KLF17: variants seen among roughly 807,000 people sequenced by gnomAD.
The protein encoded by KLF17 is KLF transcription factor 17, also known as Krueppel-like factor 17.
Under a neutral mutation model 34.2 loss-of-function variants are expected in KLF17, and 31 were observed. The observed-to-expected ratio is 0.91, with a 90% CI of 0.68 to 1.22. KLF17 has a LOEUF of 1.22. Among genes scored for constraint, KLF17 ranks in the 50% most tolerant of loss-of-function variants. The pLI is 0.00. For synonymous variants in KLF17, 179 were observed against 186.7 expected, an observed-to-expected ratio of 0.96 and a Z score of 0.34; for missense variants, 478 against 505.2, an observed-to-expected ratio of 0.95 and a Z score of 0.52.
At chr1:44,060,239 C>T in the KLF17 span, among the ~76,000 whole-genome samples, 1 of 152,054 alleles carries the variant, frequency 6.6e-6, no homozygotes, top group Non-Finnish European at 1.5e-5. Flanking sequence ...GGAGGCCAAG[C>T]CAGGGGGATC....
chr1:44,079,500 A>G, the KLF17 span, among the ~76,000 whole-genome samples: 3 of 151,120 alleles, frequency 2.0e-5, no homozygotes, highest in Non-Finnish European at 3.0e-5. Flanking sequence ...GTGAGGTCTC[A>G]CTCTGTTGCC....
chr1:44,057,236 G>C, the KLF17 span, among the ~76,000 whole-genome samples: 1 of 152,014 alleles, frequency 6.6e-6, no homozygotes, highest in African/African-American at 2.4e-5. Context: ...CTTTAATTAG[G>C]GCCCTCCAAT....
chr1:44,047,701 CT>C, the KLF17 span, among the ~76,000 whole-genome samples: 2 of 152,296 alleles, frequency 1.3e-5, no homozygotes, highest in East Asian at 3.9e-4. Flanking sequence ...CGGGGTGCTA[CT>C]TCCTTCCTTG....
chr1:44,112,124 T>G, the KLF17 span, among the ~76,000 whole-genome samples: 1 of 152,232 alleles, frequency 6.6e-6, no homozygotes, highest in East Asian at 1.9e-4. Flanking sequence ...CATACCAACA[T>G]GTATTTATTC....
chr1:44,079,133 T>G, the KLF17 span, among the ~76,000 whole-genome samples: 1 of 152,310 alleles, frequency 6.6e-6, no homozygotes, highest in East Asian at 1.9e-4. Flanking sequence ...TATTTTCTTC[T>G]TTAATTCATG....
At chr1:44,108,075 A>T in the KLF17 span, among the ~76,000 whole-genome samples, 3 of 152,318 alleles carry the variant, frequency 2.0e-5, no homozygotes, top group African/African-American at 7.2e-5. Flanking sequence ...GGAGGAAAAT[A>T]AAACAGTTTC....
At chr1:44,098,487 T>A in the KLF17 span, among the ~76,000 whole-genome samples, 1,157 of 140,102 alleles carry the variant, frequency 8.3e-3, 15 homozygotes, top group African/African-American at 0.028. Flanking sequence ...TTATTTTTTT[T>A]AAAAAAGATT....
chr1:44,093,086 AC>A, the KLF17 span, among the ~76,000 whole-genome samples: 7 of 152,236 alleles, frequency 4.6e-5, no homozygotes, highest in Admixed American at 6.5e-5. Flanking sequence ...TTGAAGAAAG[AC>A]AGTTTTGCTT....
rs765655179 is a variant in KLF17 at position 44,129,705 on chromosome 1, G to A, written c.434G>A (p.Arg145Lys). ...GAGCCCAATATTCCAAGGGTAGCCA[G>A]GCCCTTCGGTGGGAATCTAAGGATG... ...VGEPNIPRVA[R>K]PFGGNLRMPP... The change falls in exon 2 of 4, where the codon AGG (arginine) becomes AAG (lysine). Residue 145 changes from arginine to lysine, a missense_variant. Physicochemically the swap from Arg to Lys is conservative, Grantham distance 26. Transcript: ENST00000372299. The A allele has an allele frequency of 1.2e-6, 2 of 1,614,066 alleles. No homozygotes were observed. Among genetic ancestry groups the A allele is most frequent in the African/African-American group, 2.7e-5 (2 of 74,934 alleles).
At chr1:44,069,960 C>T in the KLF17 span, 1 of 152,220 alleles carries the variant, frequency 6.6e-6, no homozygotes, top group Non-Finnish European at 1.5e-5. The surrounding 1 kb of genome is among the most constrained non-coding windows in gnomAD (Gnocchi z 4.7). Context: ...CTCCAGTAGC[C>T]CATGGGTAGG....
chr1:44,050,906 G>A, the KLF17 span: 1 of 147,398 alleles, frequency 6.8e-6, no homozygotes, highest in Non-Finnish European at 1.5e-5. Flanking sequence ...GACAGAGCGA[G>A]ACTCCGTCTT....
the KLF17 span, among the ~76,000 whole-genome samples, chr1:44,053,134 C>G: frequency 6.6e-6 from 1 of 152,170 alleles, no homozygotes; most frequent in South Asian, 2.1e-4. Context: ...CTCCTAACCT[C>G]AAGTGATCTG....
At chr1:44,099,905 GA>G in the KLF17 span, among the ~76,000 whole-genome samples, 3 of 52,200 alleles carry the variant, frequency 5.7e-5, no homozygotes, top group Non-Finnish European at 1.2e-4. Context: ...AAGAAAGAAA[GA>G]AAGAAAGAAA....
chr1:44,125,629 G>A (rs2087998664), intron 1 of KLF17, among the ~76,000 whole-genome samples: 1 of 152,018 alleles, frequency 6.6e-6, no homozygotes, highest in African/African-American at 2.4e-5. Flanking sequence ...CACCACACCT[G>A]GCTAATTTTT....
the KLF17 span, among the ~76,000 whole-genome samples, chr1:44,071,974 C>T: frequency 1.3e-4 from 19 of 151,974 alleles, no homozygotes; most frequent in Non-Finnish European, 1.5e-4. Flanking sequence ...CCTCCTCTTC[C>T]TCCTACTGTT....
chr1:44,078,629 G>A, the KLF17 span, among the ~76,000 whole-genome samples: 2 of 152,020 alleles, frequency 1.3e-5, no homozygotes, highest in African/African-American at 4.8e-5. Context: ...GTAGAGACAG[G>A]GTTTCACCGT....
chr1:44,065,591 G>T, the KLF17 span, among the ~76,000 whole-genome samples: 2 of 151,772 alleles, frequency 1.3e-5, no homozygotes, highest in Non-Finnish European at 2.9e-5. Flanking sequence ...TGTATTTTTA[G>T]TAGAGACGGG....
chr1:44,125,351 C>T (rs2087995390), intron 1 of KLF17, among the ~76,000 whole-genome samples: 1 of 152,154 alleles, frequency 6.6e-6, no homozygotes, highest in African/African-American at 2.4e-5. Context: ...AATATATCAA[C>T]CCATGGTCTT....
intron 1 of KLF17, among the ~76,000 whole-genome samples, chr1:44,119,701 A>T (rs572037243): frequency 1.3e-5 from 2 of 152,294 alleles, no homozygotes; most frequent in East Asian, 1.9e-4. Context: ...CTGAGACCAC[A>T]GGCTGCATGC....
Sources: allele counts gnomAD v4.1 joint callset (sites outside exome capture counted in the v4.1 genomes callset), GRCh38; gene constraint gnomAD v4.1.1; non-coding constraint Gnocchi (gnomAD v3.1); transcripts MANE v1.5; gene names NCBI Gene and HGNC (gene_info 2026-07-23, HGNC 2026-07-21).